The following COCH variants were observed in gnomAD, a reference collection of about 807,000 sequenced individuals.
COCH encodes the protein cochlin, also known as coagulation factor C homolog, cochlin (Limulus polyphemus).
In COCH, 40 loss-of-function variants were observed where a neutral mutation model predicts 54.8. The ratio of observed to expected loss-of-function variants is 0.73; its 90% confidence interval spans 0.57 to 0.95. The LOEUF is 0.95. COCH is among the 40% of genes least tolerant of loss of function. COCH has a pLI of 0.00. For synonymous variants in COCH, 256 were observed against 237.9 expected (o/e 1.08, Z -0.70); for missense variants, 605 against 675.0 (o/e 0.90, Z 1.15).
intron 8 of COCH, among the ~76,000 whole-genome samples, chr14:30,883,841 A>G (rs528713878): frequency 6.6e-6 from 1 of 152,354 alleles, no homozygotes; most frequent in Admixed American, 6.5e-5. Flanking sequence ...CTTACAATAC[A>G]CATAATTTTA....
chr14:30,879,046 G>A (rs954683660), intron 5 of COCH, 102 bp downstream of exon 5: 9 of 1,503,074 alleles, frequency 6.0e-6, no homozygotes, highest in Non-Finnish European at 8.3e-6. Context: ...AAAAACCTGT[G>A]ATCAAGACTA....
chr14:30,884,017 G>T (rs923378507), intron 8 of COCH, among the ~76,000 whole-genome samples: 1 of 152,104 alleles, frequency 6.6e-6, no homozygotes, highest in Admixed American at 6.5e-5. Flanking sequence ...AGAGCCTCTG[G>T]GGTCCCACAC....
downstream of COCH, among the ~76,000 whole-genome samples, chr14:30,892,447 C>T (rs189206161): frequency 1.1e-3 from 170 of 152,160 alleles, 2 homozygotes; most frequent in Admixed American, 2.4e-3. Context: ...GAGAAAAGTA[C>T]CCCCTTTAAT....
rs1895531861 is a variant in COCH, at chr14:30,880,436, G to A, written c.437-16G>A. 1 of 1,613,482 alleles carries A rather than the reference G, an allele frequency of 6.2e-7. No homozygotes were observed. Among genetic ancestry groups the A allele is most frequent in the Non-Finnish European group, 8.5e-7 (1 of 1,179,662 alleles). On this transcript the variant is annotated splice_polypyrimidine_tract_variant and intron_variant, in intron 6 of 11. Transcript: ENST00000396618. ...TGTCTTCCTTTTGTTAATGCCAAGT[G>A]CATCTTTTATTTCAGGTAAACGACT... is the stretch of plus-strand genomic sequence containing the variant.
intron 11 of COCH, among the ~76,000 whole-genome samples, chr14:30,888,789 T>G (rs1895879978): frequency 7.5e-6 from 1 of 134,008 alleles, no homozygotes; most frequent in Non-Finnish European, 1.6e-5. Flanking sequence ...AGACCCTGTC[T>G]GAGAAAAAAA....
chr14:30,874,996 C>T (rs758373014), intron 2 of COCH, 24 bp downstream of exon 2: 5 of 1,613,054 alleles, frequency 3.1e-6, no homozygotes, highest in Non-Finnish European at 2.5e-6. Context: ...CCTCACGACC[C>T]CGGCCCCTTG....
At position 30,889,758 on chromosome 14, in the gene COCH, C is replaced by T. The variant is rs1215385152; in HGVS notation, c.1620C>T (p.Gly540=). Residue 540 remains glycine (G), a synonymous_variant, in exon 12 of 12, where the codon GGC becomes GGT. Coordinates refer to ENST00000396618, the MANE Select transcript of COCH (RefSeq NM_004086.3). ...CAATTGTTTCTGATGTCATCAGAGG[C>T]ATTTGTAGAGATTTCTTAGAATCCC... ...LEPIVSDVIR[G]ICRDFLESQQ The T allele has an allele frequency of 3.7e-6, 6 of 1,610,880 alleles. No individual in the cohort carries two copies. The highest frequency in any genetic ancestry group is 2.2e-5 in the East Asian group (1 of 44,756).
At chr14:30,876,107 T>G (rs1489640906) in intron 3 of COCH, 1 of 152,168 alleles carries the variant, frequency 6.6e-6, no homozygotes, top group Non-Finnish European at 1.5e-5. Context: ...GGCCAGAAAG[T>G]ATTCCTCTGC....
intron 8 of COCH, 122 bp from the exon 9 acceptor site, chr14:30,884,431 C>T: frequency 2.8e-6 from 2 of 703,214 alleles, no homozygotes; most frequent in Non-Finnish European, 5.1e-6. Flanking sequence ...TGACTATGTA[C>T]TATGGAATTA....
intron 3 of COCH, chr14:30,875,475 G>A (rs1293731853): frequency 3.8e-6 from 2 of 527,852 alleles, no homozygotes; most frequent in African/African-American, 1.9e-5. Flanking sequence ...GGGCTCTGCT[G>A]CGTTTGGGGG....
chr14:30,892,001 GGTAA>G (rs1183168204), downstream of COCH, among the ~76,000 whole-genome samples: 1 of 152,106 alleles, frequency 6.6e-6, no homozygotes, highest in African/African-American at 2.4e-5. Flanking sequence ...GTCTTCAACA[GGTAA>G]GTTACCTAGT....
At chr14:30,892,323 A>G (rs149951667), downstream of COCH, among the ~76,000 whole-genome samples, 452 of 152,312 alleles carry the variant, frequency 3.0e-3, 6 homozygotes, top group African/African-American at 0.01. Flanking sequence ...TATGCATTCC[A>G]ATAATCATCA....
intron 9 of COCH, 69 bp from the exon 10 acceptor site, chr14:30,885,325 C>A: frequency 7.5e-7 from 1 of 1,327,920 alleles, no homozygotes; most frequent in Non-Finnish European, 1.1e-6. Flanking sequence ...GCATCAAATG[C>A]TACAGGGAAA....
chr14:30,882,121 T>TTTTTTG (rs1491297604), intron 8 of COCH, among the ~76,000 whole-genome samples: 563 of 51,454 alleles, frequency 0.011, 22 homozygotes, highest in African/African-American at 0.034. Flanking sequence ...TATAAAATGG[T>TTTTTTG]TTTTTTTTTT....
At chr14:30,892,192 GTC>G (rs1895998637), downstream of COCH, among the ~76,000 whole-genome samples, 1 of 152,118 alleles carries the variant, frequency 6.6e-6, no homozygotes, top group Non-Finnish European at 1.5e-5. Flanking sequence ...CATACCTTTA[GTC>G]TCTTCCAAAT....
chr14:30,891,398 C>G (rs1895979262), downstream of COCH, among the ~76,000 whole-genome samples: 1 of 152,150 alleles, frequency 6.6e-6, no homozygotes, highest in Non-Finnish European at 1.5e-5. Flanking sequence ...ATAATATACT[C>G]CAGTAAATCT....
chr14:30,886,348 A>G (rs1854208995), intron 11 of COCH, 36 bp downstream of exon 11: 1 of 1,605,654 alleles, frequency 6.2e-7, no homozygotes, highest in Non-Finnish European at 8.5e-7. Flanking sequence ...AAGGGAACAG[A>G]AAAAACGGTT....
chr14:30,887,850 T>C (rs1338118033), intron 11 of COCH, among the ~76,000 whole-genome samples: 1 of 152,220 alleles, frequency 6.6e-6, no homozygotes, highest in African/African-American at 2.4e-5. Flanking sequence ...CATCAGCAAC[T>C]AGCCTGTGAA....
Position 30,890,046 on chromosome 14 carries a change from G to A in COCH, c.*255G>A. On this transcript the variant is annotated 3_prime_UTR_variant, in exon 12 of 12. Transcript: ENST00000396618. ...AAACTCAGGAAAGAGGAGATAATGTGGATTAAAACCTTAAGAGTTCTAACC... is the reference window on the plus strand; with the variant it reads ...AAACTCAGGAAAGAGGAGATAATGTAGATTAAAACCTTAAGAGTTCTAACC... 8.5e-7 allele frequency: 1 copy of A among 1,176,064 alleles called. No homozygotes were observed. The highest frequency in any genetic ancestry group is 1.1e-6 in the Non-Finnish European group (1 of 947,272). The allele number at this position is 1,176,064 out of a possible 1,614,324, so 72.9% of individuals were successfully genotyped here.
Sources: allele counts gnomAD v4.1 joint callset (sites outside exome capture counted in the v4.1 genomes callset), GRCh38; gene constraint gnomAD v4.1.1; transcripts MANE v1.5; gene names NCBI Gene and HGNC (gene_info 2026-07-23, HGNC 2026-07-21).